The following DUS3L variants were observed in gnomAD, a reference collection of about 807,000 sequenced individuals.
The protein encoded by DUS3L is tRNA-dihydrouridine(47) synthase [NAD(P)(+)]-like.
DUS3L carries 62 observed loss-of-function variants against 74.6 expected under a neutral mutation model. That is an observed-to-expected ratio of 0.83 (90% confidence interval 0.68 to 1.03). The LOEUF is 1.03. Ranked by LOEUF, DUS3L falls within the 50% of genes least tolerant of loss-of-function variation. The pLI, the probability that DUS3L is intolerant of heterozygous loss-of-function variation, is 0.00. For missense variants in DUS3L, 884 were observed against 924.4 expected (o/e 0.96, Z 0.57); for synonymous variants, 433 against 395.7 (o/e 1.09, Z -1.12).
intron 1 of DUS3L, 197 bp downstream of exon 1, chr19:5,790,847 G>C (rs1213160766): frequency 1.6e-6 from 1 of 614,452 alleles, no homozygotes; most frequent in African/African-American, 1.9e-5. Context: ...GGTGTCCTTC[G>C]CGCATGTGAC....
In DUS3L at chr19:5,785,380, C is replaced by A; in HGVS notation, c.1880+3G>T. On this transcript the variant is annotated splice_donor_region_variant and intron_variant, in intron 12 of 12. Coordinates refer to ENST00000309061, the MANE Select transcript of DUS3L (RefSeq NM_020175.3). Reference sequence around the variant, plus strand: ...GCTCCCCAACTCCAGCCCACCCAGGCACCTGATGCGGATCCAGTCGGCTGC... The same window carrying A: ...GCTCCCCAACTCCAGCCCACCCAGGAACCTGATGCGGATCCAGTCGGCTGC... 1 of 1,599,886 alleles carries A rather than the reference C, an allele frequency of 6.3e-7. No individual in the cohort carries two copies. Among genetic ancestry groups the A allele is most frequent in the Admixed American group, 1.7e-5 (1 of 58,790 alleles).
At chr19:5,786,563 GTC>G (rs1568385566) in intron 9 of DUS3L, 21 bp from the exon 10 acceptor site, 3 of 1,611,476 alleles carry the variant, frequency 1.9e-6, no homozygotes, top group Non-Finnish European at 2.5e-6. Context: ...AGAGGCTGGG[GTC>G]TCAGGGAGAC....
At position 5,787,982 on chromosome 19, in the gene DUS3L, C is replaced by T. The variant is rs374593661; in HGVS notation, c.1095+42G>A. 158 of 1,604,438 alleles carry T rather than the reference C, an allele frequency of 9.8e-5. No individual in the cohort carries two copies. The Middle Eastern group carries it at 1.2e-3, about 13-fold the overall frequency. ...GAACCTGGCTCTGAGACAGGACGGC[C>T]GAGGGCCCCTCCACTCTCCCTCCCT... On this transcript the variant is annotated intron_variant, in intron 5 of 12. Coordinates refer to ENST00000309061, the MANE Select transcript of DUS3L (RefSeq NM_020175.3).
rs1345402939 is a variant in DUS3L, at chr19:5,785,615, G to A, written c.1739C>T (p.Ser580Phe). Residue 580 changes from serine to phenylalanine, a missense_variant, in exon 11 of 13, where the codon TCC (serine) becomes TTC (phenylalanine). Ser to Phe is a radical substitution (Grantham distance 155). Coordinates refer to ENST00000309061, the MANE Select transcript of DUS3L (RefSeq NM_020175.3). ...CCCCGGTGCCCACCGGCACAGGAAG[G>A]ACAGCCACTCGAGCAGAAAGCGCCG... ...KTRRFLLEWL[S>F]FLCRYVPVGL... is the part of the protein sequence containing the mutation. The A allele has an allele frequency of 1.9e-6, 3 of 1,606,906 alleles. No homozygotes were observed. In the African/African-American group the frequency reaches 4.0e-5, roughly 21 times the overall value.
In DUS3L at chr19:5,790,443, C is replaced by T. The variant is rs567050743; in HGVS notation, c.99-108G>A. The T allele has an allele frequency of 2.5e-5, 34 of 1,386,210 alleles. No individual in the cohort carries two copies. The African/African-American group carries it at 3.7e-4, about 15-fold the overall frequency. The allele number at this position is 1,386,210 out of a possible 1,614,324, so 85.9% of individuals were successfully genotyped here. A position where few individuals can be genotyped will look rare whatever the true frequency, so the allele number is the denominator to read the frequency against. On this transcript the variant is annotated intron_variant, in intron 1 of 12. Transcript: ENST00000309061. ...CTTAAATCCTTCTGCTGATGGGGAG[C>T]TCACTACTTAAGAACCAGCCAGCTC...
At chr19:5,788,313 ACTGCCACC>A (rs762854182) in intron 4 of DUS3L, 36 bp downstream of exon 4, 13 of 1,612,962 alleles carry the variant, frequency 8.1e-6, no homozygotes, top group South Asian at 3.3e-5. Flanking sequence ...GAATGACCAC[ACTGCCACC>A]CTGCCACCCG....
rs370209351 is a variant in DUS3L, at chr19:5,785,690, T to G, written c.1664A>C (p.Asn555Thr). Residue 555 changes from asparagine to threonine, a missense_variant, in exon 11 of 13, where the codon AAC becomes ACC. Coordinates refer to ENST00000309061, the MANE Select transcript of DUS3L (RefSeq NM_020175.3). ...CGAGCCCCAGTGCTCCAGGCCGTAG[T>G]TGGTGAAGTCCCGCAGGATGTCCAG... ...ERLDILRDFT[N>T]YGLEHWGSDT... 1.2e-5 allele frequency: 20 copies of G among 1,612,676 alleles called. 1 individual carries two copies. In the African/African-American group the frequency reaches 1.7e-4, roughly 14 times the overall value.
chr19:5,785,213 G>T lies in DUS3L; in HGVS notation c.1943C>A (p.Ala648Glu), dbSNP rs762607568. ...TGGGAAAGCCTGAGGCTACTTGTACGCGTTGGCCTTGTGCTTCGGCAAGAA... is the reference window on the plus strand; with the variant it reads ...TGGGAAAGCCTGAGGCTACTTGTACTCGTTGGCCTTGTGCTTCGGCAAGAA... The part of the protein sequence containing the change: ...FAFLPKHKAN[A>E]YK The change falls in exon 13 of 13, where the codon GCG (alanine) becomes GAG (glutamate). Residue 648 changes from alanine (A) to glutamate (E), a missense_variant. Transcript: ENST00000309061. 4.6e-5 allele frequency: 74 copies of T among 1,607,748 alleles called. No homozygotes were observed. The Admixed American group carries it at 1.2e-3, about 25-fold the overall frequency.
intron 5 of DUS3L, 118 bp from the exon 6 acceptor site, chr19:5,787,823 C>T (rs941509687): frequency 1.8e-5 from 26 of 1,446,788 alleles, no homozygotes; most frequent in Non-Finnish European, 2.5e-5. Context: ...CGGGGCCTCC[C>T]CGGAAGGAGC....
chr19:5,787,886 G>C, intron 5 of DUS3L, 138 bp downstream of exon 5: 3 of 1,447,826 alleles, frequency 2.1e-6, no homozygotes, highest in Non-Finnish European at 2.8e-6. Flanking sequence ...AGCCCCCAGA[G>C]GTGGATCAGG....
At chr19:5,786,401 G>A in intron 10 of DUS3L, 66 bp downstream of exon 10, 1 of 1,506,112 alleles carries the variant, frequency 6.6e-7, no homozygotes. Context: ...GTGGGTGACG[G>A]CGTGTTGGGT....
At chr19:5,788,198 C>T (rs1425046434) in intron 4 of DUS3L, 22 bp from the exon 5 acceptor site, 1 of 1,612,900 alleles carries the variant, frequency 6.2e-7, no homozygotes, top group African/African-American at 1.3e-5. Context: ...GCAGGACAGA[C>T]ACACATGCTC....
rs778010317 is a variant in DUS3L, at chr19:5,788,056, G to A, written c.1063C>T (p.Arg355Cys). Residue 355 changes from arginine to cysteine, a missense_variant, in exon 5 of 13, where the codon CGC becomes TGC. By Grantham distance (180) the Arg-to-Cys change is radical. Transcript: ENST00000309061. ...CCAAAGATGTCCTCACACTGGTGGC[G>A]TTTGAGTAGGGCCCACTCGGACATC... ...GQMSEWALLK[R>C]HQCEDIFGVQ... is the part of the protein sequence containing the mutation. The A allele has an allele frequency of 1.4e-5, 22 of 1,613,518 alleles. No homozygotes were observed. Among genetic ancestry groups the A allele is most frequent in the Non-Finnish European group, 1.7e-5 (20 of 1,180,022 alleles).
rs1004868013 is a variant in DUS3L, at chr19:5,787,898, C to T, written c.1095+126G>A. 91 of 1,468,476 alleles carry T rather than the reference C, an allele frequency of 6.2e-5. No homozygotes were observed. The Middle Eastern group carries it at 9.7e-4, about 16-fold the overall frequency. The allele number at this position is 1,468,476 out of a possible 1,614,324, so 91.0% of individuals were successfully genotyped here. A position where few individuals can be genotyped will look rare whatever the true frequency, so the allele number is the denominator to read the frequency against. ...ATCAGCCCCCAGAGGTGGATCAGGG[C>T]ATCACCCCCACTCCACAGCTGAGGC... On this transcript the variant is annotated intron_variant, in intron 5 of 12. Transcript: ENST00000309061.
chr19:5,787,750 G>T (rs1298626474), intron 5 of DUS3L, 45 bp from the exon 6 acceptor site: 4 of 1,594,820 alleles, frequency 2.5e-6, no homozygotes, highest in Non-Finnish European at 3.4e-6. Context: ...GGGAGAGTCC[G>T]AACTGTCCCC....
In DUS3L at chr19:5,786,047, G is replaced by C. The variant is rs1028583356; in HGVS notation, c.1563-256C>G. On this transcript the variant is annotated intron_variant, in intron 10 of 12. Transcript: ENST00000309061. Reference sequence around the variant, plus strand: ...TCACTGTTCAACCTCCGTCTCCCAGGTTCAGGCAATTGTCCTGCCTCAGCC... The same window carrying C: ...TCACTGTTCAACCTCCGTCTCCCAGCTTCAGGCAATTGTCCTGCCTCAGCC... 3 of 513,878 alleles carry C rather than the reference G, an allele frequency of 5.8e-6. No homozygotes were observed. In the African/African-American group the frequency reaches 5.9e-5, roughly 10 times the overall value. The allele number at this position is 513,878 out of a possible 1,614,324, so 31.8% of individuals were successfully genotyped here.
chr19:5,787,033 C>T (rs1304080770), intron 8 of DUS3L, 28 bp downstream of exon 8: 2 of 1,519,022 alleles, frequency 1.3e-6, no homozygotes, highest in East Asian at 2.4e-5. Context: ...CCGCGAGGCC[C>T]CAATGCCCGA....
At chr19:5,787,741 G>A (rs2056868189) in intron 5 of DUS3L, 36 bp from the exon 6 acceptor site, 1 of 1,603,296 alleles carries the variant, frequency 6.2e-7, no homozygotes, top group African/African-American at 1.3e-5. Context: ...GAGGGTGAGG[G>A]GAGAGTCCGA....
At chr19:5,785,845 G>A in intron 10 of DUS3L, 54 bp from the exon 11 acceptor site, 1 of 1,495,632 alleles carries the variant, frequency 6.7e-7, no homozygotes, top group Non-Finnish European at 8.9e-7. Flanking sequence ...CTGGGATCGT[G>A]TGGCCTCTGC....
Sources: allele counts gnomAD v4.1 joint callset, GRCh38; gene constraint gnomAD v4.1.1; transcripts MANE v1.5; gene names NCBI Gene and HGNC (gene_info 2026-07-23, HGNC 2026-07-21).